TMTC1: variants seen among roughly 807,000 people sequenced by gnomAD.
TMTC1 encodes the protein transmembrane O-mannosyltransferase targeting cadherins 1.
A neutral mutation model predicts 104.8 loss-of-function variants in TMTC1; 73 were observed. The ratio of observed to expected loss-of-function variants is 0.70; its 90% CI spans 0.58 to 0.85. The LOEUF (loss-of-function observed/expected upper bound fraction) is 0.85, where lower values mean the gene tolerates loss of function less well. Ranked by LOEUF, TMTC1 falls within the 40% of genes least tolerant of loss-of-function variation. The probability of loss-of-function intolerance (pLI) is 0.00; values close to 1 mark genes in which losing one functional copy is unlikely to be tolerated. For missense variants in TMTC1, 1,035 were observed against 1,096.1 expected (o/e 0.94, Z 0.79); for synonymous variants, 434 against 428.7 (o/e 1.01, Z -0.15).
intron 5 of TMTC1, among the ~76,000 whole-genome samples, chr12:29,655,203 A>G (rs1309414251): frequency 6.6e-6 from 1 of 152,048 alleles, no homozygotes; most frequent in Non-Finnish European, 1.5e-5. Context: ...TTCTATATAC[A>G]TGTTCAGAAT....
chr12:29,739,553 T>A (rs1281372765), intron 5 of TMTC1, among the ~76,000 whole-genome samples: 18 of 152,164 alleles, frequency 1.2e-4, no homozygotes. Flanking sequence ...CACCAAGATG[T>A]AAGCTAATCC....
intron 5 of TMTC1, among the ~76,000 whole-genome samples, chr12:29,730,159 G>A (rs1242092542): frequency 6.6e-6 from 1 of 152,064 alleles, no homozygotes; most frequent in Admixed American, 6.6e-5. Flanking sequence ...ACAAACTCAA[G>A]GACTCTGAAA....
intron 5 of TMTC1, among the ~76,000 whole-genome samples, chr12:29,705,197 C>A (rs886220124): frequency 6.6e-6 from 1 of 152,158 alleles, no homozygotes; most frequent in Admixed American, 6.5e-5. Flanking sequence ...CTATCACCAC[C>A]GTGGTGTAAT....
Position 29,583,483 on chromosome 12 carries a change from C to G in TMTC1, c.1342G>C (p.Val448Leu). 1 of 1,613,984 alleles carries G rather than the reference C, an allele frequency of 6.2e-7. No homozygotes were observed. Among genetic ancestry groups the G allele is most frequent in the Non-Finnish European group, 8.5e-7 (1 of 1,179,922 alleles). The change falls in exon 8 of 18, where the codon GTG (valine) becomes CTG (leucine). Residue 448 changes from valine (V) to leucine (L), a missense_variant. Transcript: ENST00000539277. ...CAAGAGAAAAGCAACAGCAGCAACA[C>G]AGTGGACACAATCAGGGTGGTGGCC... ...CGATTLIVSTVLLLLLFSWKT... is the reference protein window; with the variant it reads ...CGATTLIVSTLLLLLLFSWKT...
chr12:29,613,766 G>A (rs1289632727), intron 6 of TMTC1: 3 of 157,298 alleles, frequency 1.9e-5, no homozygotes, highest in East Asian at 1.9e-4. Context: ...TGGGAGAAGC[G>A]GTCTTCTACC....
At chr12:29,762,088 T>C (rs1225280782) in intron 2 of TMTC1, among the ~76,000 whole-genome samples, 1 of 151,814 alleles carries the variant, frequency 6.6e-6, no homozygotes, top group Non-Finnish European at 1.5e-5. Context: ...CTGAGGTGAG[T>C]GGATTGCTTG....
chr12:29,666,420 A>G (rs1481257519), intron 5 of TMTC1, among the ~76,000 whole-genome samples: 1 of 151,422 alleles, frequency 6.6e-6, no homozygotes, highest in African/African-American at 2.4e-5. Context: ...TTTTTAGTAG[A>G]GACGGGGTTT....
At chr12:29,650,029 C>T (rs947109708) in intron 5 of TMTC1, among the ~76,000 whole-genome samples, 5 of 152,040 alleles carry the variant, frequency 3.3e-5, no homozygotes, top group African/African-American at 1.2e-4. Context: ...CTATTCAGTA[C>T]CTCAATCTGC....
intron 7 of TMTC1, among the ~76,000 whole-genome samples, chr12:29,600,250 G>A (rs142355906): frequency 6.6e-6 from 1 of 152,054 alleles, no homozygotes; most frequent in African/African-American, 2.4e-5. Flanking sequence ...AAAATCCTCC[G>A]TGGCTCTGGG....
intron 2 of TMTC1, among the ~76,000 whole-genome samples, chr12:29,762,488 C>A (rs60788764): frequency 0.1 from 15,508 of 152,124 alleles, 820 homozygotes; most frequent in African/African-American, 0.14. Flanking sequence ...CGTACGGTAT[C>A]TTAATTGTGA....
At chr12:29,582,904 A>G (rs1946022316) in intron 8 of TMTC1, among the ~76,000 whole-genome samples, 1 of 152,194 alleles carries the variant, frequency 6.6e-6, no homozygotes, top group African/African-American at 2.4e-5. Context: ...GCATTTAGTG[A>G]GGCTGACTAA....
intron 5 of TMTC1, among the ~76,000 whole-genome samples, chr12:29,642,880 G>C (rs921673946): frequency 7.9e-5 from 12 of 151,376 alleles, no homozygotes; most frequent in Non-Finnish European, 1.5e-5. Flanking sequence ...AGCCGAGATC[G>C]CGCCACTGCA....
intron 5 of TMTC1, among the ~76,000 whole-genome samples, chr12:29,655,442 C>G (rs1939712565): frequency 6.6e-6 from 1 of 152,072 alleles, no homozygotes; most frequent in South Asian, 2.1e-4. Context: ...GGAAAGAAAT[C>G]ATCACAACTA....
intron 11 of TMTC1, chr12:29,532,606 A>G (rs1217722197): frequency 6.6e-6 from 1 of 152,180 alleles, no homozygotes; most frequent in South Asian, 2.1e-4. Context: ...AAAACAGGAT[A>G]CAAACAGTGT....
intron 5 of TMTC1, among the ~76,000 whole-genome samples, chr12:29,637,482 G>T (rs1340462316): frequency 6.6e-6 from 1 of 152,154 alleles, no homozygotes; most frequent in Non-Finnish European, 1.5e-5. Flanking sequence ...AGAAAGCCAG[G>T]AATTCAGCTT....
chr12:29,518,931 T>C (rs1193087901), intron 12 of TMTC1, among the ~76,000 whole-genome samples: 3 of 152,200 alleles, frequency 2.0e-5, no homozygotes, highest in African/African-American at 7.2e-5. Context: ...AGATTATTAG[T>C]GATTGTTATT....
intron 9 of TMTC1, among the ~76,000 whole-genome samples, chr12:29,559,806 T>C (rs942486004): frequency 6.6e-6 from 1 of 152,182 alleles, no homozygotes; most frequent in African/African-American, 2.4e-5. Context: ...ATATCCTTTC[T>C]CTCTCTGGGT....
intron 5 of TMTC1, among the ~76,000 whole-genome samples, chr12:29,720,079 G>A (rs947560995): frequency 2.6e-5 from 4 of 152,086 alleles, no homozygotes; most frequent in East Asian, 1.9e-4. Flanking sequence ...GTGCTCTCTC[G>A]ACCATGAATT....
chr12:29,576,197 G>T (rs1389923814), intron 8 of TMTC1, among the ~76,000 whole-genome samples: 1 of 152,160 alleles, frequency 6.6e-6, no homozygotes, highest in Non-Finnish European at 1.5e-5. Context: ...CCAATCCACA[G>T]GCTGTCTTTT....
Sources: gnomAD v4.1 joint callset for allele counts (sites outside exome capture counted in the v4.1 genomes callset) on GRCh38, gnomAD v4.1.1 for gene constraint, MANE v1.5 for transcripts, NCBI Gene and HGNC (gene_info 2026-07-23, HGNC 2026-07-21) for gene names.